Variants in DLG5 observed in about 807,000 individuals in gnomAD.
DLG5 encodes the protein disks large homolog 5.
DLG5 carries 48 observed loss-of-function variants against 189.8 expected under a neutral mutation model. The ratio of observed to expected loss-of-function variants is 0.25; its 90% CI spans 0.20 to 0.32. The LOEUF is 0.32. Among genes scored for constraint, DLG5 ranks in the 10% least tolerant of loss-of-function variants. The probability of loss-of-function intolerance (pLI) is 1.00; values close to 1 mark genes in which losing one functional copy is unlikely to be tolerated. For missense variants in DLG5, 2,160 were observed against 2,544.7 expected, an observed-to-expected ratio of 0.85 and a Z score of 3.25; for synonymous variants, 1,016 against 1,054.1, an observed-to-expected ratio of 0.96 and a Z score of 0.70.
rs1840830377 is a variant in DLG5 at position 77,794,881 on chromosome 10, G to A, written c.5514C>T (p.Ile1838=). 1 of 1,614,124 alleles carries A rather than the reference G, an allele frequency of 6.2e-7. No individual in the cohort carries two copies. Residue 1838 remains isoleucine, a synonymous_variant, in exon 30 of 32, where the codon ATC becomes ATT. Transcript: ENST00000372391. ...LHHMHIYPIV[I]FIHYKSAKHI... ...GCTTGGCGCTCTTGTAGTGGATGAA[G>A]ATGACAATGGGGTAGATGTGCATGT... is the stretch of plus-strand genomic sequence containing the variant.
chr10:77,914,436 G>A lies in DLG5; in HGVS notation c.304+11781C>T, dbSNP rs76043578. 1.1e-4 allele frequency among the ~76,000 whole-genome samples: 17 copies of A among 152,256 alleles called. No individual in the cohort carries two copies. The East Asian group carries it at 3.1e-3, about 28-fold the overall frequency. The stretch of plus-strand genomic sequence containing the variant: ...CTCCACCCTCACCAAAGCCCTGGGT[G>A]AATATTATTAGCCCCTCTTCTACAG... On this transcript the variant is annotated intron_variant, in intron 1 of 31. Transcript: ENST00000372391.
intron 1 of DLG5, among the ~76,000 whole-genome samples, chr10:77,898,660 C>T (rs550220098): frequency 6.6e-6 from 1 of 152,328 alleles, no homozygotes; most frequent in African/African-American, 2.4e-5. Flanking sequence ...GGCTGGGCCC[C>T]GCGTCTATCC....
intron 6 of DLG5, 59 bp from the exon 7 acceptor site, chr10:77,842,252 G>C: frequency 6.5e-7 from 1 of 1,549,500 alleles, no homozygotes; most frequent in Non-Finnish European, 8.7e-7. Context: ...TCAGTGGCCG[G>C]CTGCGCTGCT....
intron 24 of DLG5, among the ~76,000 whole-genome samples, chr10:77,808,962 G>A (rs1448554271): frequency 6.6e-6 from 1 of 152,042 alleles, no homozygotes; most frequent in Non-Finnish European, 1.5e-5. Context: ...AGCTGGGCGT[G>A]TTGGCGCATG....
intron 1 of DLG5, among the ~76,000 whole-genome samples, chr10:77,922,106 C>T (rs1460436484): frequency 6.6e-6 from 1 of 152,196 alleles, no homozygotes; most frequent in Non-Finnish European, 1.5e-5. Flanking sequence ...ATTCCCCCAA[C>T]AAGGCGGCAA....
At chr10:77,811,353 T>G in intron 22 of DLG5, 119 bp from the exon 23 acceptor site, 2 of 1,281,808 alleles carry the variant, frequency 1.6e-6, no homozygotes, top group Non-Finnish European at 2.1e-6. Context: ...CCCTGCACCC[T>G]GTGCCCTGAG....
intron 1 of DLG5, chr10:77,869,463 T>C (rs1307183464): frequency 4.3e-6 from 2 of 465,530 alleles, no homozygotes; most frequent in African/African-American, 2.1e-5. Flanking sequence ...TGGCTTCTTG[T>C]TGGGACATCT....
In DLG5 at chr10:77,794,048, C is replaced by G. The variant is rs374610075; in HGVS notation, c.5616G>C (p.Ala1872=). 6.2e-7 allele frequency: 1 copy of G among 1,614,198 alleles called. No individual in the cohort carries two copies. The highest frequency in any genetic ancestry group is 1.7e-5 in the Admixed American group (1 of 60,030). ...TQRHSKEQFE[A]AQKLEQEYSR... ...TGTACTCCTGCTCAAGCTTCTGCGC[C>G]GCCTCAAACTGCTCTTTGGAATGCC... Residue 1872 remains alanine (A), a synonymous_variant, in exon 31 of 32, where the codon GCG becomes GCC. Coordinates refer to ENST00000372391, the MANE Select transcript of DLG5 (RefSeq NM_004747.4).
rs530510478 is a variant in DLG5 at position 77,821,651 on chromosome 10, C to T, written c.2833G>A (p.Gly945Arg). The change falls in exon 15 of 32, where the codon GGG (glycine) becomes AGG (arginine). Residue 945 changes from glycine to arginine, a missense_variant. Around this residue, in one of 5 missense-constraint regions of DLG5, gnomAD observed 754 missense variants for 746.5 expected, o/e 1.01. Transcript: ENST00000372391. ...CTGAGCATGGCCTTGGGCCAGGTCC[C>T]GCCGCTGTTGGAGCCTTCAGAGTCT... ...KADSEGSNSG[G>R]TWPKAMLSST... 24 of 1,613,078 alleles carry T rather than the reference C, an allele frequency of 1.5e-5. No individual in the cohort carries two copies. The South Asian group carries it at 1.8e-4, about 12-fold the overall frequency.
Position 77,821,576 on chromosome 10 carries a change from T to C in DLG5, c.2908A>G (p.Arg970Gly), listed in dbSNP as rs1842361936. 1.2e-6 allele frequency: 2 copies of C among 1,612,918 alleles called. No individual in the cohort carries two copies. The highest frequency in any genetic ancestry group is 1.3e-5 in the African/African-American group (1 of 74,934). ...KLSVYKKPKQ[R>G]KSIFDPNTFK... ...GTGTTAGGGTCAAAGATGGACTTTC[T>C]TTGCTTTGGCTTTTTATAAACAGAG... Residue 970 changes from arginine to glycine, a missense_variant, in exon 15 of 32, where the codon AGA becomes GGA. Arg to Gly is a moderately radical substitution (Grantham distance 125). This residue lies in a region of DLG5 where 754 missense variants were observed against 746.5 expected (regional missense o/e 1.01). Transcript: ENST00000372391.
At chr10:77,906,762 G>T (rs542633634) in intron 1 of DLG5, among the ~76,000 whole-genome samples, 1 of 151,558 alleles carries the variant, frequency 6.6e-6, no homozygotes, top group Non-Finnish European at 1.5e-5. Flanking sequence ...GCAGCTGGAA[G>T]TACAGGCACG....
rs144997510 is a variant in DLG5 at position 77,835,803 on chromosome 10, G to A, written c.1557C>T (p.Ala519=). The change falls in exon 8 of 32, where the codon GCC becomes GCT. Residue 519 remains alanine, a synonymous_variant. Transcript: ENST00000372391. The part of the protein sequence containing the change: ...LKEALQEADV[A]KCRRDWAFQE... ...GGAAGGCCCAGTCCCGCCGGCACTT[G>A]GCCACATCCGCCTCCTGGAGGGCTT... is the stretch of plus-strand genomic sequence containing the variant. The A allele has an allele frequency of 1.5e-4, 235 of 1,614,018 alleles. 3 individuals are homozygous for A. The African/African-American group carries it at 3.0e-3, about 21-fold the overall frequency.
chr10:77,918,716 TC>T (rs1261640072), intron 1 of DLG5, among the ~76,000 whole-genome samples: 2 of 151,866 alleles, frequency 1.3e-5, no homozygotes, highest in African/African-American at 2.4e-5. Context: ...AAATCCAATT[TC>T]CCCCCAGCGC....
intron 1 of DLG5, among the ~76,000 whole-genome samples, chr10:77,886,501 A>G (rs1845445968): frequency 6.6e-6 from 1 of 151,556 alleles, no homozygotes; most frequent in South Asian, 2.1e-4. Flanking sequence ...TTACAGGCAC[A>G]CACCACCAGG....
chr10:77,929,394 CATTTT>C (rs1455360306), upstream of DLG5: 1 of 152,194 alleles, frequency 6.6e-6, no homozygotes, highest in Non-Finnish European at 1.5e-5. Flanking sequence ...ACTTCTGCAG[CATTTT>C]ATACCTTCTG....
intron 9 of DLG5, among the ~76,000 whole-genome samples, chr10:77,831,179 C>A (rs1044560078): frequency 6.6e-5 from 10 of 152,070 alleles, no homozygotes; most frequent in Admixed American, 2.0e-4. Context: ...CCGAGACAGG[C>A]AGATCACCAG....
At chr10:77,850,046 T>C (rs545194145) in intron 5 of DLG5, among the ~76,000 whole-genome samples, 1 of 152,272 alleles carries the variant, frequency 6.6e-6, no homozygotes, top group Admixed American at 6.5e-5. Context: ...TCTTTTTTTT[T>C]CCTCTCTGAG....
At chr10:77,869,553 G>A (rs968854218) in intron 1 of DLG5, 1 of 304,306 alleles carries the variant, frequency 3.3e-6, no homozygotes, top group Non-Finnish European at 6.1e-6. Flanking sequence ...CTAGCAATAT[G>A]ATTCTGGCTT....
At position 77,843,486 on chromosome 10, in the gene DLG5, G is replaced by A. The variant is rs1341356646; in HGVS notation, c.1085C>T (p.Ala362Val). Residue 362 changes from alanine (A) to valine (V), a missense_variant, in exon 6 of 32, where the codon GCC becomes GTC. Around this residue, in one of 5 missense-constraint regions of DLG5, gnomAD observed 664 missense variants for 838.5 expected, o/e 0.79. Transcript: ENST00000372391. ...TEMLTQQRDTAIQLQHQCALS... is the reference protein window; with the variant it reads ...TEMLTQQRDTVIQLQHQCALS... The stretch of plus-strand genomic sequence containing the variant: ...GGCGCACTGGTGCTGCAGCTGGATG[G>A]CCGTGTCCCTCTGCTGGGTCAGCAT... 2 of 1,613,932 alleles carry A rather than the reference G, an allele frequency of 1.2e-6. No homozygotes were observed. The highest frequency in any genetic ancestry group is 2.2e-5 in the South Asian group (2 of 91,090).
Sources: gnomAD v4.1 joint callset for allele counts (sites outside exome capture counted in the v4.1 genomes callset) on GRCh38, gnomAD v4.1.1 for gene constraint, gnomAD v4.1.1 regional missense constraint, MANE v1.5 for transcripts, NCBI Gene and HGNC (gene_info 2026-07-23, HGNC 2026-07-21) for gene names.